Variants in BNC2 observed in about 807,000 individuals in gnomAD.
BNC2 encodes basonuclin zinc finger protein 2, also known as zinc finger protein basonuclin-2.
Under a neutral mutation model 76.3 loss-of-function variants are expected in BNC2, and 20 were observed. The observed-to-expected ratio is 0.26, with a 90% CI of 0.18 to 0.38. BNC2 has a LOEUF of 0.38. Ranked by LOEUF, BNC2 falls within the 10% of genes least tolerant of loss-of-function variation. The pLI is 1.00. For missense variants in BNC2, 1,382 were observed against 1,399.8 expected, an observed-to-expected ratio of 0.99 and a Z score of 0.20; for synonymous variants, 582 against 514.8, an observed-to-expected ratio of 1.13 and a Z score of -1.77.
At chr9:16,672,510 T>C (rs114026409) in intron 3 of BNC2, among the ~76,000 whole-genome samples, 2,580 of 151,890 alleles carry the variant, frequency 0.017, 89 homozygotes, top group African/African-American at 0.06. Flanking sequence ...AAAAAGAAAA[T>C]GTTTAACATC....
At chr9:16,833,412 A>G (rs929404770) in intron 1 of BNC2, among the ~76,000 whole-genome samples, 2 of 152,202 alleles carry the variant, frequency 1.3e-5, no homozygotes, top group African/African-American at 2.4e-5. Context: ...AGTTTTCTCA[A>G]GCAATGAAAT....
intron 1 of BNC2, among the ~76,000 whole-genome samples, chr9:16,740,018 ATAAAACAAGTGG>A (rs1824795402): frequency 2.6e-5 from 4 of 152,222 alleles, no homozygotes; most frequent in Admixed American, 2.6e-4. Flanking sequence ...GAAACAAGAG[ATAAAACAAGTGG>A]CCAAGGTTAG....
Position 16,524,833 on chromosome 9 carries a change from G to A in BNC2, c.669+27697C>T, listed in dbSNP as rs183762607. ...TCATGCCAGCAATCCCAGCACTTTG[G>A]GAGGCCAAGGCAGGAAGATCATTTG... On this transcript the variant is annotated intron_variant, in intron 5 of 6. Transcript: ENST00000380672. 2.2e-3 allele frequency among the ~76,000 whole-genome samples: 328 copies of A among 152,230 alleles called. 1 individual carries two copies. Among genetic ancestry groups the A allele is most frequent in the Non-Finnish European group, 3.8e-3 (257 of 68,024 alleles).
intron 5 of BNC2, among the ~76,000 whole-genome samples, chr9:16,488,605 C>T (rs1822212473): frequency 1.3e-5 from 2 of 152,280 alleles, no homozygotes; most frequent in African/African-American, 4.8e-5. Context: ...AGGGCTTAGC[C>T]TGCAAATATG....
At chr9:16,735,158 CCTT>C (rs1411463601) in intron 2 of BNC2, among the ~76,000 whole-genome samples, 3 of 152,002 alleles carry the variant, frequency 2.0e-5, no homozygotes, top group African/African-American at 7.2e-5. Flanking sequence ...AATGATGAAT[CCTT>C]AGACTCAAGA....
intron 1 of BNC2, among the ~76,000 whole-genome samples, chr9:16,749,876 T>G (rs1256776901): frequency 1.3e-5 from 2 of 152,208 alleles, no homozygotes; most frequent in Non-Finnish European, 2.9e-5. Flanking sequence ...GAAGTTATGT[T>G]TCATCTAGGA....
chr9:16,739,526 G>A (rs1027314313), intron 1 of BNC2, among the ~76,000 whole-genome samples: 2 of 152,164 alleles, frequency 1.3e-5, no homozygotes, highest in Non-Finnish European at 2.9e-5. Context: ...AAAGAAGTTA[G>A]CCAGGTGTAG....
chr9:16,839,206 C>A (rs1818772636), intron 1 of BNC2, among the ~76,000 whole-genome samples: 1 of 152,198 alleles, frequency 6.6e-6, no homozygotes, highest in South Asian at 2.1e-4. Flanking sequence ...AATTCTGCAA[C>A]AGTTTGTATA....
At chr9:16,438,787 A>G (rs1821069623) in intron 5 of BNC2, among the ~76,000 whole-genome samples, 2 of 152,140 alleles carry the variant, frequency 1.3e-5, no homozygotes, top group Admixed American at 6.6e-5. Flanking sequence ...CTACCTTAAA[A>G]GGGTGATCGA....
rs1554729494 is a variant in BNC2, at chr9:16,780,252, A to AAC, written c.4-41768_4-41767insGT. On this transcript the variant is annotated intron_variant, in intron 1 of 6. Transcript: ENST00000380672. ...CTTCGTTTCAAAAAAAAAAAAAAAA[A>AAC]AAAACAAAAAAAAACTACTGAAACT... Among the ~76,000 whole-genome samples the AAC allele has an allele frequency of 7.4e-5, 10 of 134,870 alleles. 1 individual carries two copies. Among genetic ancestry groups the AAC allele is most frequent in the South Asian group, 2.3e-4 (1 of 4,428 alleles). The allele number at this position is 134,870 out of a possible 152,430, so 88.5% of individuals were successfully genotyped here.
At position 16,410,416 on chromosome 9, in the gene BNC2, C is replaced by T. The variant is rs952290886; in HGVS notation, c.*8573G>A. 3 of 152,694 alleles carry T rather than the reference C, an allele frequency of 2.0e-5. No individual in the cohort carries two copies. Among genetic ancestry groups the T allele is most frequent in the South Asian group, 2.1e-4 (1 of 4,824 alleles). The allele number at this position is 152,694 out of a possible 1,614,324, so 9.5% of individuals were successfully genotyped here. A position where few individuals can be genotyped will look rare whatever the true frequency, so the allele number is the denominator to read the frequency against. On this transcript the variant is annotated 3_prime_UTR_variant, in exon 7 of 7. Transcript: ENST00000380672. Reference sequence around the variant, plus strand: ...CTTCTCCCCATTTCTCGACCGTCCTCACCCCTCTGACCTTCATGTACCCAG... The same window carrying T: ...CTTCTCCCCATTTCTCGACCGTCCTTACCCCTCTGACCTTCATGTACCCAG...
chr9:16,731,537 G>A (rs1824504072), intron 2 of BNC2, among the ~76,000 whole-genome samples: 1 of 152,022 alleles, frequency 6.6e-6, no homozygotes, highest in African/African-American at 2.4e-5. Context: ...GAACTGAAGG[G>A]GAAAAAAAGG....
intron 3 of BNC2, among the ~76,000 whole-genome samples, chr9:16,722,320 C>T (rs538162309): frequency 1.1e-4 from 17 of 152,274 alleles, no homozygotes; most frequent in Admixed American, 1.3e-4. Flanking sequence ...GAGGATTTGC[C>T]GTGGCTCTTA....
chr9:16,786,305 G>T (rs10756812), intron 1 of BNC2, among the ~76,000 whole-genome samples: 3 of 151,928 alleles, frequency 2.0e-5, no homozygotes, highest in Non-Finnish European at 4.4e-5. Context: ...AGAAAATGTG[G>T]AGAAAGACTG....
intron 5 of BNC2, among the ~76,000 whole-genome samples, chr9:16,463,587 C>T (rs1177530428): frequency 1.4e-5 from 2 of 143,908 alleles, no homozygotes; most frequent in South Asian, 2.1e-4. Flanking sequence ...TGAGCCACCG[C>T]GCCCGGCCAA....
At chr9:16,783,467 T>C (rs930257869) in intron 1 of BNC2, among the ~76,000 whole-genome samples, 1 of 152,236 alleles carries the variant, frequency 6.6e-6, no homozygotes, top group Non-Finnish European at 1.5e-5. Flanking sequence ...TTTATGCTTA[T>C]GTTATAGCTA....
chr9:16,730,760 AG>A, intron 2 of BNC2, among the ~76,000 whole-genome samples: 1 of 152,320 alleles, frequency 6.6e-6, no homozygotes, highest in South Asian at 2.1e-4. Flanking sequence ...TAAAAGCAGC[AG>A]GATATCTTTC....
chr9:16,820,788 G>C (rs989698138), intron 1 of BNC2, among the ~76,000 whole-genome samples: 1 of 151,302 alleles, frequency 6.6e-6, no homozygotes, highest in African/African-American at 2.4e-5. Context: ...AAATGAAACA[G>C]GCCAAGTGTA....
chr9:16,560,931 G>C (rs1255123363), intron 4 of BNC2, among the ~76,000 whole-genome samples: 1 of 152,156 alleles, frequency 6.6e-6, no homozygotes, highest in African/African-American at 2.4e-5. Context: ...AGAAGTAAGA[G>C]GGTTGTTTTA....
Sources: allele counts gnomAD v4.1 joint callset (sites outside exome capture counted in the v4.1 genomes callset), GRCh38; gene constraint gnomAD v4.1.1; transcripts MANE v1.5; gene names NCBI Gene and HGNC (gene_info 2026-07-23, HGNC 2026-07-21).